Variants in TRANK1 observed in about 807,000 individuals in gnomAD.
The protein encoded by TRANK1 is TPR and ankyrin repeat-containing protein 1.
TRANK1 carries 198 observed loss-of-function variants against 266.0 expected under a neutral mutation model. The observed-to-expected ratio is 0.74, with a 90% CI of 0.66 to 0.84. TRANK1 has a LOEUF of 0.84. TRANK1 is among the 40% of genes least tolerant of loss of function. The pLI, the probability that TRANK1 is intolerant of heterozygous loss-of-function variation, is 0.00. For missense variants in TRANK1, 3,326 were observed against 3,634.6 expected, an observed-to-expected ratio of 0.92 and a Z score of 2.18; for synonymous variants, 1,396 against 1,384.1, an observed-to-expected ratio of 1.01 and a Z score of -0.19.
intron 15 of TRANK1, among the ~76,000 whole-genome samples, chr3:36,847,823 A>G (rs1418493084): frequency 6.6e-6 from 1 of 152,222 alleles, no homozygotes; most frequent in Non-Finnish European, 1.5e-5. Context: ...GGTCAGACAG[A>G]ACAAATTTGT....
At chr3:36,859,884 T>G (rs2079111128) in intron 11 of TRANK1, among the ~76,000 whole-genome samples, 1 of 152,112 alleles carries the variant, frequency 6.6e-6, no homozygotes, top group Non-Finnish European at 1.5e-5. Flanking sequence ...CCCACCTACC[T>G]CCTGAAAGCT....
intron 4 of TRANK1, among the ~76,000 whole-genome samples, chr3:36,896,431 AAC>A (rs2079790723): frequency 6.6e-6 from 1 of 152,232 alleles, no homozygotes. Flanking sequence ...TATCAAAACA[AAC>A]GCATACTATA....
At chr3:36,882,787 G>C (rs970966035) in intron 8 of TRANK1, among the ~76,000 whole-genome samples, 14 of 151,944 alleles carry the variant, frequency 9.2e-5, no homozygotes, top group African/African-American at 3.1e-4. Context: ...TGAGGACAAA[G>C]GACCAAAAAC....
chr3:36,872,812 G>A (rs1380715336), intron 9 of TRANK1, among the ~76,000 whole-genome samples: 1 of 152,118 alleles, frequency 6.6e-6, no homozygotes, highest in Non-Finnish European at 1.5e-5. Context: ...ATTCCCCTGA[G>A]CTAAGAAAAC....
chr3:36,848,269 G>A (rs1269904986), intron 15 of TRANK1, among the ~76,000 whole-genome samples: 2 of 151,768 alleles, frequency 1.3e-5, no homozygotes, highest in Non-Finnish European at 2.9e-5. Flanking sequence ...TTCTCCTTTG[G>A]GTTTTTTTTC....
upstream of TRANK1, among the ~76,000 whole-genome samples, chr3:36,945,498 G>A (rs2125678183): frequency 6.6e-6 from 1 of 152,302 alleles, no homozygotes; most frequent in South Asian, 2.1e-4. Flanking sequence ...GAGGCTGGGG[G>A]TCCGGGAGTG....
chr3:36,884,570 G>A (rs879255788), intron 8 of TRANK1, among the ~76,000 whole-genome samples: 3 of 152,146 alleles, frequency 2.0e-5, no homozygotes, highest in African/African-American at 4.8e-5. Flanking sequence ...ATAAACATCC[G>A]AGTCCATACT....
chr3:36,880,211 T>G (rs1005201669), intron 8 of TRANK1: 1 of 205,650 alleles, frequency 4.9e-6, no homozygotes, highest in African/African-American at 2.4e-5. Flanking sequence ...AATGCCAAGT[T>G]AGTCTTTCTT....
rs1334447649 is a variant in TRANK1 at position 36,833,640 on chromosome 3, G to C, written c.5943C>G (p.Leu1981=). 3 of 1,613,862 alleles carry C rather than the reference G, an allele frequency of 1.9e-6. No individual in the cohort carries two copies. The African/African-American group carries it at 4.0e-5, about 22-fold the overall frequency. Residue 1981 remains leucine (L), a synonymous_variant, in exon 22 of 24, where the codon CTC becomes CTG. Coordinates refer to ENST00000645898, the MANE Select transcript of TRANK1 (RefSeq NM_001329998.2). ...QHGCLLEAAR[L]TADKDFQASC... ...AGGCCTGGAAGTCCTTGTCGGCAGT[G>C]AGCCTGGCAGCCTCCAGGAGGCAGC...
At position 36,889,829 on chromosome 3, in the gene TRANK1, G is replaced by A. The variant is rs1202526399; in HGVS notation, c.907C>T (p.Arg303Ter). Residue 303 changes from arginine (R) to a stop codon, truncating the protein, a stop_gained and splice_region_variant, in exon 8 of 24, where the codon CGA (arginine) becomes TGA (stop). Coordinates refer to ENST00000645898, the MANE Select transcript of TRANK1 (RefSeq NM_001329998.2). LOFTEE classifies it high-confidence loss of function. Reference protein sequence around the residue: ...AAHSPGYLVKRQTEDVQMLLR... With the variant: ...AAHSPGYLVK ...CCCTCTGGGTAATGCCACTACTCAC[G>A]CTTAACGAGGTATCCTGGGGAGTGG... 18 of 1,535,346 alleles carry A rather than the reference G, an allele frequency of 1.2e-5. No homozygotes were observed. Among genetic ancestry groups the A allele is most frequent in the Admixed American group, 2.0e-5 (1 of 50,570 alleles).
chr3:36,900,748 G>A (rs914725034), intron 3 of TRANK1, among the ~76,000 whole-genome samples: 2 of 150,246 alleles, frequency 1.3e-5, no homozygotes, highest in African/African-American at 4.9e-5. Context: ...TGGGCATGGT[G>A]GTGCAAGCCT....
intron 8 of TRANK1, among the ~76,000 whole-genome samples, chr3:36,878,669 T>A (rs980054152): frequency 2.6e-5 from 4 of 151,562 alleles, no homozygotes; most frequent in African/African-American, 9.7e-5. Flanking sequence ...GTACTATACG[T>A]ATTACCCAGG....
At position 36,831,668 on chromosome 3, in the gene TRANK1, C is replaced by T. The variant is rs1575173988; in HGVS notation, c.7915G>A (p.Asp2639Asn). ...TCACAGTCCATTAGGTACTCTTCAT[C>T]CCGCTCAAAGAGCAGGTCCTGCAGT... ...EALQDLLFER[D>N]EEYLMDCDWR... The change falls in exon 22 of 24, where the codon GAT becomes AAT. Residue 2639 changes from aspartate to asparagine, a missense_variant. Transcript: ENST00000645898. The surrounding 1 kb of genome is among the most constrained non-coding windows in gnomAD (Gnocchi z 5.0). 1.2e-6 allele frequency: 2 copies of T among 1,613,974 alleles called. No homozygotes were observed. Among genetic ancestry groups the T allele is most frequent in the Admixed American group, 1.7e-5 (1 of 60,018 alleles).
intron 8 of TRANK1, 49 bp downstream of exon 8, chr3:36,889,780 C>A: frequency 6.7e-7 from 1 of 1,494,408 alleles, no homozygotes; most frequent in Non-Finnish European, 8.9e-7. Context: ...TCCTCAAAGC[C>A]TGACACCAGC....
At chr3:36,904,754 C>G (rs530316112) in intron 2 of TRANK1, among the ~76,000 whole-genome samples, 1 of 152,156 alleles carries the variant, frequency 6.6e-6, no homozygotes, top group Non-Finnish European at 1.5e-5. Flanking sequence ...TGGGGTCAGG[C>G]AGTGAGGGAT....
At chr3:36,860,127 A>G (rs1276067409) in intron 11 of TRANK1, among the ~76,000 whole-genome samples, 1 of 152,226 alleles carries the variant, frequency 6.6e-6, no homozygotes, top group African/African-American at 2.4e-5. Flanking sequence ...ATACAGCACG[A>G]AGCAAGCAGA....
At position 36,855,829 on chromosome 3, in the gene TRANK1, T is replaced by C. The variant is rs1451794716; in HGVS notation, c.3893A>G (p.Asp1298Gly). Residue 1298 changes from aspartate to glycine, a missense_variant, in exon 13 of 24, where the codon GAT becomes GGT. Asp to Gly is a moderately conservative substitution (Grantham distance 94). Transcript: ENST00000645898. ...WQEDEEEAEV[D>G]GDYSEEDKAV... ...TTTATCCTCCTCACTGTAGTCCCCA[T>C]CCACCTCAGCCTCCTCTTCATCCTC... 1.2e-6 allele frequency: 2 copies of C among 1,613,652 alleles called. No individual in the cohort carries two copies. Among genetic ancestry groups the C allele is most frequent in the Admixed American group, 3.3e-5 (2 of 59,974 alleles).
intron 10 of TRANK1, among the ~76,000 whole-genome samples, chr3:36,862,773 G>C (rs111440053): frequency 0.028 from 4,283 of 152,290 alleles, 86 homozygotes; most frequent in Non-Finnish European, 0.041. Context: ...TCTCCACAGA[G>C]AGTCTGAGAT....
intron 7 of TRANK1, among the ~76,000 whole-genome samples, chr3:36,891,759 C>T (rs1343777267): frequency 1.3e-5 from 2 of 152,370 alleles, no homozygotes; most frequent in African/African-American, 4.8e-5. Flanking sequence ...TCATGTCTCC[C>T]TTGGGATACC....
Sources: gnomAD v4.1 joint callset for allele counts (sites outside exome capture counted in the v4.1 genomes callset) on GRCh38, gnomAD v4.1.1 for gene constraint, Gnocchi (gnomAD v3.1) non-coding constraint, MANE v1.5 for transcripts, NCBI Gene and HGNC (gene_info 2026-07-23, HGNC 2026-07-21) for gene names.